Variants in PMFBP1 observed in about 807,000 individuals in gnomAD.
The protein encoded by PMFBP1 is polyamine modulated factor 1 binding protein 1, also known as polyamine-modulated factor 1-binding protein 1.
A neutral mutation model predicts 137.8 loss-of-function variants in PMFBP1; 131 were observed. The ratio of observed to expected loss-of-function variants is 0.95; its 90% CI spans 0.82 to 1.10. The LOEUF (loss-of-function observed/expected upper bound fraction) is 1.10. Among genes scored for constraint, PMFBP1 ranks in the 50% least tolerant of loss-of-function variants. The pLI is 0.00. For missense variants in PMFBP1, 1,199 were observed against 1,175.4 expected (o/e 1.02, Z -0.29); for synonymous variants, 490 against 450.4 (o/e 1.09, Z -1.11).
intron 3 of PMFBP1, among the ~76,000 whole-genome samples, chr16:72,159,144 C>T (rs2043025091): frequency 6.6e-6 from 1 of 152,110 alleles, no homozygotes; most frequent in South Asian, 2.1e-4. Flanking sequence ...CCTGTTTTTT[C>T]TTCACTGCCC....
At chr16:72,192,901 CAA>C in the PMFBP1 span, among the ~76,000 whole-genome samples, 20 of 85,192 alleles carry the variant, frequency 2.3e-4, no homozygotes, top group Admixed American at 6.5e-4. Flanking sequence ...GTCTCTGTCT[CAA>C]AAAAAAAAAA....
At chr16:72,185,393 GT>G in the PMFBP1 span, among the ~76,000 whole-genome samples, 1 of 151,964 alleles carries the variant, frequency 6.6e-6, no homozygotes, top group Non-Finnish European at 1.5e-5. Context: ...ACTGAACTAT[GT>G]TCAGTTTCTT....
intron 5 of PMFBP1, among the ~76,000 whole-genome samples, chr16:72,142,868 C>A (rs555588210): frequency 6.6e-6 from 1 of 152,066 alleles, no homozygotes; most frequent in South Asian, 2.1e-4. Flanking sequence ...ATTAGGATGG[C>A]ATAATCCAGA....
the PMFBP1 span, among the ~76,000 whole-genome samples, chr16:72,249,615 G>T: frequency 1.3e-5 from 2 of 151,762 alleles, no homozygotes; most frequent in Non-Finnish European, 2.9e-5. Flanking sequence ...CTGAGTTCGG[G>T]GGAAAGAAAT....
chr16:72,127,555 C>T (rs140841243), intron 14 of PMFBP1, among the ~76,000 whole-genome samples: 12 of 152,080 alleles, frequency 7.9e-5, no homozygotes, highest in Admixed American at 3.3e-4. Context: ...AAGCTAGAAG[C>T]TAAAATGGAA....
the PMFBP1 span, among the ~76,000 whole-genome samples, chr16:72,226,305 C>A: frequency 6.6e-6 from 1 of 152,122 alleles, no homozygotes; most frequent in South Asian, 2.1e-4. Flanking sequence ...GAGCAATTAG[C>A]ATGGCCAGTA....
the PMFBP1 span, among the ~76,000 whole-genome samples, chr16:72,196,015 GTGT>G: frequency 6.7e-6 from 1 of 149,716 alleles, no homozygotes; most frequent in South Asian, 2.1e-4. Context: ...GTGTGTGTGT[GTGT>G]GTGTGTGTGT....
chr16:72,171,491 T>C, intron 1 of PMFBP1: 2 of 454,628 alleles, frequency 4.4e-6, no homozygotes, highest in Non-Finnish European at 7.9e-6. Context: ...AACCACTACT[T>C]GGTGAACCAA....
At chr16:72,151,951 A>G (rs1030276681) in intron 4 of PMFBP1, among the ~76,000 whole-genome samples, 1 of 152,164 alleles carries the variant, frequency 6.6e-6, no homozygotes, top group Non-Finnish European at 1.5e-5. Flanking sequence ...GCAGCCCTCA[A>G]CCAATGACTG....
chr16:72,217,376 G>T, the PMFBP1 span, among the ~76,000 whole-genome samples: 2 of 151,982 alleles, frequency 1.3e-5, no homozygotes, highest in African/African-American at 2.4e-5. Context: ...TGCTTTTGTT[G>T]TTTTTATGTA....
chr16:72,221,871 T>C, the PMFBP1 span, among the ~76,000 whole-genome samples: 3 of 152,204 alleles, frequency 2.0e-5, no homozygotes, highest in African/African-American at 7.2e-5. Flanking sequence ...ATATTTTATG[T>C]ATCAGTGATG....
intron 10 of PMFBP1, among the ~76,000 whole-genome samples, chr16:72,131,948 T>A (rs1217412191): frequency 6.6e-6 from 1 of 152,124 alleles, no homozygotes; most frequent in Non-Finnish European, 1.5e-5. Context: ...CAGGCTCAAG[T>A]GATCCTCCCA....
At chr16:72,196,018 T>G in the PMFBP1 span, among the ~76,000 whole-genome samples, 1 of 142,538 alleles carries the variant, frequency 7.0e-6, no homozygotes, top group South Asian at 2.2e-4. Flanking sequence ...TGTGTGTGTG[T>G]GTGTGTGTGT....
chr16:72,223,097 G>T, the PMFBP1 span, among the ~76,000 whole-genome samples: 1 of 152,088 alleles, frequency 6.6e-6, no homozygotes. Context: ...GATGCAGCAG[G>T]GCAAGAACTG....
chr16:72,134,135 C>T (rs2042589770), intron 9 of PMFBP1, among the ~76,000 whole-genome samples: 1 of 152,030 alleles, frequency 6.6e-6, no homozygotes, highest in Non-Finnish European at 1.5e-5. Flanking sequence ...GTATATTTTC[C>T]CTCCTTTCAT....
chr16:72,214,419 C>T, the PMFBP1 span, among the ~76,000 whole-genome samples: 1 of 152,306 alleles, frequency 6.6e-6, no homozygotes, highest in Non-Finnish European at 1.5e-5. Flanking sequence ...TTGTGATCCA[C>T]CCGCCTCAGC....
chr16:72,249,330 G>C, the PMFBP1 span, among the ~76,000 whole-genome samples: 2 of 151,640 alleles, frequency 1.3e-5, no homozygotes, highest in East Asian at 1.9e-4. Flanking sequence ...CGAATGTATG[G>C]GGAGGAGTAT....
At chr16:72,247,180 G>C in the PMFBP1 span, among the ~76,000 whole-genome samples, 1 of 152,156 alleles carries the variant, frequency 6.6e-6, no homozygotes, top group Non-Finnish European at 1.5e-5. Flanking sequence ...AGAGACTTAA[G>C]GATCTCTGTC....
chr16:72,194,769 T>C, the PMFBP1 span, among the ~76,000 whole-genome samples: 1 of 152,220 alleles, frequency 6.6e-6, no homozygotes, highest in East Asian at 1.9e-4. Context: ...GCACTGTTGG[T>C]GTTCTAGGTT....
Sources: gnomAD v4.1 joint callset for allele counts (sites outside exome capture counted in the v4.1 genomes callset) on GRCh38, gnomAD v4.1.1 for gene constraint, MANE v1.5 for transcripts, NCBI Gene and HGNC (gene_info 2026-07-23, HGNC 2026-07-21) for gene names.